The following KLHL12 variants were observed in gnomAD, a reference collection of about 807,000 sequenced individuals.
KLHL12 encodes kelch like family member 12, also known as kelch-like protein 12.
KLHL12 carries 17 observed loss-of-function variants against 60.8 expected under a neutral mutation model. The observed-to-expected ratio is 0.28, with a 90% CI of 0.19 to 0.42. The LOEUF (loss-of-function observed/expected upper bound fraction) is 0.42, where lower values mean the gene tolerates loss of function less well. Among genes scored for constraint, KLHL12 ranks in the 10% least tolerant of loss-of-function variants. KLHL12 has a pLI of 1.00. For missense variants in KLHL12, 468 were observed against 722.3 expected (o/e 0.65, Z 4.04); for synonymous variants, 220 against 250.9 (o/e 0.88, Z 1.16).
chr1:202,922,476 A>C (rs1356175949), intron 2 of KLHL12, among the ~76,000 whole-genome samples: 1 of 151,614 alleles, frequency 6.6e-6, no homozygotes, highest in Non-Finnish European at 1.5e-5. Flanking sequence ...CTAAAGATCA[A>C]AGAAGATCCA....
intron 9 of KLHL12, 54 bp from the exon 10 acceptor site, chr1:202,894,336 G>T: frequency 7.8e-7 from 1 of 1,289,524 alleles, no homozygotes; most frequent in Non-Finnish European, 1.1e-6. Context: ...GCCCATTCCT[G>T]GTCGGTTTTT....
At chr1:202,898,214 C>T (rs917224078) in intron 6 of KLHL12, among the ~76,000 whole-genome samples, 4 of 152,108 alleles carry the variant, frequency 2.6e-5, no homozygotes, top group Admixed American at 2.0e-4. Context: ...TGGCTTTTTT[C>T]AAAGAGCAAA....
At chr1:202,911,419 AAT>A (rs1553237944) in intron 4 of KLHL12, among the ~76,000 whole-genome samples, 1 of 150,768 alleles carries the variant, frequency 6.6e-6, no homozygotes, top group Non-Finnish European at 1.5e-5. Context: ...TTAAAAAAAA[AAT>A]ATATATATAT....
intron 3 of KLHL12, among the ~76,000 whole-genome samples, chr1:202,919,189 A>T (rs1443445055): frequency 2.0e-5 from 3 of 152,232 alleles, no homozygotes; most frequent in Non-Finnish European, 4.4e-5. Context: ...CCAAGAATTC[A>T]AGGATACAGT....
rs182898170 is a variant in KLHL12, at chr1:202,922,392, C to T, written c.196-2484G>A. On this transcript the variant is annotated intron_variant, in intron 2 of 11. Coordinates refer to ENST00000367261, the MANE Select transcript of KLHL12 (RefSeq NM_021633.4). ...ACCATCCTGGCTAACATGGTGAAAC[C>T]CCGTCTCCACTAAAAATACAAAAAA... is the stretch of plus-strand genomic sequence containing the variant. Among the ~76,000 whole-genome samples the T allele has an allele frequency of 2.9e-3, 438 of 150,816 alleles. 3 individuals carry two copies. The highest frequency in any genetic ancestry group is 9.5e-3 in the African/African-American group (390 of 41,094).
intron 6 of KLHL12, among the ~76,000 whole-genome samples, chr1:202,904,956 T>C (rs971279447): frequency 1.3e-5 from 2 of 152,244 alleles, no homozygotes; most frequent in Non-Finnish European, 2.9e-5. Context: ...GCTGTCAATT[T>C]AATTTCCTTC....
Position 202,909,258 on chromosome 1 carries a change from T to C in KLHL12, c.718-134A>G. ...CAAAGCCCTGTGATTCCAGGAGTAT[T>C]GCTGGTAGTAACCATGCTCTCGGTT... is the stretch of plus-strand genomic sequence containing the variant. On this transcript the variant is annotated intron_variant, in intron 5 of 11. Transcript: ENST00000367261. This position sits in a 1 kb window ranked among gnomAD's most constrained non-coding sequence, Gnocchi z 4.1. 1 of 560,840 alleles carries C rather than the reference T, an allele frequency of 1.8e-6. No individual in the cohort carries two copies. Among genetic ancestry groups the C allele is most frequent in the Middle Eastern group, 2.7e-4 (1 of 3,646 alleles). 34.7% of individuals were successfully genotyped at this position (560,840 alleles called of 1,614,324 possible).
At chr1:202,914,862 T>C (rs1266616383) in intron 4 of KLHL12, 1 of 123,868 alleles carries the variant, frequency 8.1e-6, no homozygotes, top group Admixed American at 8.6e-5. Flanking sequence ...CGAAACTCCG[T>C]CTAAAAAAAA....
chr1:202,923,764 G>A (rs1653345658), intron 2 of KLHL12, among the ~76,000 whole-genome samples: 1 of 151,968 alleles, frequency 6.6e-6, no homozygotes, highest in Non-Finnish European at 1.5e-5. Flanking sequence ...TACTAGCACA[G>A]TACCTGGCCC....
At chr1:202,916,799 C>T (rs1329332525) in intron 4 of KLHL12, among the ~76,000 whole-genome samples, 1 of 151,908 alleles carries the variant, frequency 6.6e-6, no homozygotes, top group Non-Finnish European at 1.5e-5. Flanking sequence ...GGCAACACAG[C>T]GAGACCCCAT....
chr1:202,912,082 G>A (rs1480020868), intron 4 of KLHL12: 5 of 802,888 alleles, frequency 6.2e-6, no homozygotes, highest in Non-Finnish European at 1.1e-5. Context: ...AAAGAGAGCT[G>A]TTTCAAGGGA....
chr1:202,926,463 G>A (rs1041004571), intron 1 of KLHL12, among the ~76,000 whole-genome samples: 2 of 152,192 alleles, frequency 1.3e-5, no homozygotes, highest in African/African-American at 4.8e-5. Flanking sequence ...AACTCTGCAA[G>A]ACCCATTTTA....
rs752399607 is a variant in KLHL12 at position 202,909,062 on chromosome 1, C to T, written c.780G>A (p.Leu260=). 6.2e-7 allele frequency: 1 copy of T among 1,614,074 alleles called. No individual in the cohort carries two copies. Among genetic ancestry groups the T allele is most frequent in the Non-Finnish European group, 8.5e-7 (1 of 1,179,982 alleles). ...GCATCTGACTCCGAAGTTCAGGCCT[C>T]AGATGAAACTTCTTTGCTTCATCAA... ...DLVDEAKKFH[L]RPELRSQMQG... is the part of the protein sequence containing the mutation. Residue 260 remains leucine, a synonymous_variant, in exon 6 of 12, where the codon CTG becomes CTA. Transcript: ENST00000367261. The surrounding 1 kb of genome is among the most constrained non-coding windows in gnomAD (Gnocchi z 4.1).
At chr1:202,904,000 C>CTATG (rs1421158514) in intron 6 of KLHL12, among the ~76,000 whole-genome samples, 15 of 151,514 alleles carry the variant, frequency 9.9e-5, no homozygotes, top group East Asian at 8.0e-4. Context: ...ATGTATCTAT[C>CTATG]TATCTATCTA....
intron 6 of KLHL12, among the ~76,000 whole-genome samples, chr1:202,903,272 C>T (rs1176833279): frequency 6.7e-6 from 1 of 150,240 alleles, no homozygotes; most frequent in Admixed American, 6.7e-5. Context: ...ATTCTACTTT[C>T]TGAGGCACTG....
At position 202,893,534 on chromosome 1, in the gene KLHL12, G is replaced by A. The variant is rs1659740707; in HGVS notation, c.1394-109C>T. 2.3e-6 allele frequency: 2 copies of A among 875,142 alleles called. No individual in the cohort carries two copies. Among genetic ancestry groups the A allele is most frequent in the African/African-American group, 1.7e-5 (1 of 58,308 alleles). 54.2% of individuals were successfully genotyped at this position (875,142 alleles called of 1,614,324 possible). A position where few individuals can be genotyped will look rare whatever the true frequency, so the allele number is the denominator to read the frequency against. ...TAGCTGAGTTCTACAGTAGATGAGG[G>A]ATATGGAATGGGCCCACACGGGCCT... On this transcript the variant is annotated intron_variant, in intron 10 of 11. Coordinates refer to ENST00000367261, the MANE Select transcript of KLHL12 (RefSeq NM_021633.4). The surrounding 1 kb of genome is among the most constrained non-coding windows in gnomAD (Gnocchi z 4.1).
At position 202,927,224 on chromosome 1, in the gene KLHL12, C is replaced by A. The variant is rs990092606; in HGVS notation, c.-181G>T. 13 of 985,086 alleles carry A rather than the reference C, an allele frequency of 1.3e-5. No homozygotes were observed. Among genetic ancestry groups the A allele is most frequent in the East Asian group, 1.1e-4 (1 of 8,758 alleles). The allele number at this position is 985,086 out of a possible 1,614,324, so 61.0% of individuals were successfully genotyped here. On this transcript the variant is annotated 5_prime_UTR_variant, in exon 1 of 12. Coordinates refer to ENST00000367261, the MANE Select transcript of KLHL12 (RefSeq NM_021633.4). ...CCGGAGGCTCTGGAGGCTCTGGAGC[C>A]GTCCGGGTCTGGCCCCTGCGGCCGC...
intron 2 of KLHL12, among the ~76,000 whole-genome samples, chr1:202,922,982 A>C (rs1660744439): frequency 6.6e-6 from 1 of 152,226 alleles, no homozygotes; most frequent in Non-Finnish European, 1.5e-5. Flanking sequence ...CATCTAGTTC[A>C]ACTACTTTAT....
intron 2 of KLHL12, among the ~76,000 whole-genome samples, chr1:202,920,623 G>T (rs952246551): frequency 6.6e-6 from 1 of 152,004 alleles, no homozygotes; most frequent in Admixed American, 6.5e-5. Flanking sequence ...TGATCCGCCT[G>T]CCTCAGCCTC....
Sources: allele counts gnomAD v4.1 joint callset (sites outside exome capture counted in the v4.1 genomes callset), GRCh38; gene constraint gnomAD v4.1.1; non-coding constraint Gnocchi (gnomAD v3.1); transcripts MANE v1.5; gene names NCBI Gene and HGNC (gene_info 2026-07-23, HGNC 2026-07-21).